The following GPC5 variants were observed in gnomAD, a reference collection of about 807,000 sequenced individuals.
The protein encoded by GPC5 is glypican 5.
In GPC5, 47 loss-of-function variants were observed where a neutral mutation model predicts 53.9. That is an observed-to-expected ratio of 0.87 (90% CI 0.69 to 1.11). The LOEUF is 1.11. Ranked by LOEUF, GPC5 falls within the 50% of genes most tolerant of loss-of-function variation. The pLI, the probability that GPC5 is intolerant of heterozygous loss-of-function variation, is 0.00. For synonymous variants in GPC5, 286 were observed against 263.3 expected (o/e 1.09, Z -0.84); for missense variants, 748 against 713.1 (o/e 1.05, Z -0.56).
chr13:92,319,384 T>C (rs1040519212), intron 7 of GPC5, among the ~76,000 whole-genome samples: 10 of 149,524 alleles, frequency 6.7e-5, no homozygotes, highest in Non-Finnish European at 8.9e-5. Flanking sequence ...TATTTTTTTT[T>C]CCCCATGATA....
At chr13:92,814,863 TCTAA>T (rs964073840) in intron 7 of GPC5, among the ~76,000 whole-genome samples, 79 of 152,104 alleles carry the variant, frequency 5.2e-4, no homozygotes, top group African/African-American at 1.8e-3. Flanking sequence ...AACGAATTTC[TCTAA>T]CTGTGCACTT....
intron 7 of GPC5, among the ~76,000 whole-genome samples, chr13:92,273,437 T>C (rs2042853703): frequency 6.6e-6 from 1 of 152,122 alleles, no homozygotes; most frequent in Non-Finnish European, 1.5e-5. Flanking sequence ...ATAATATCTT[T>C]TAAGTATGTT....
At chr13:92,749,354 C>T (rs1889321160) in intron 7 of GPC5, among the ~76,000 whole-genome samples, 2 of 151,796 alleles carry the variant, frequency 1.3e-5, no homozygotes, top group Admixed American at 6.6e-5. Flanking sequence ...TTTGGTAAAT[C>T]ATGTTGTATT....
intron 6 of GPC5, among the ~76,000 whole-genome samples, chr13:91,972,627 G>C (rs1404984996): frequency 1.3e-5 from 2 of 152,170 alleles, no homozygotes; most frequent in African/African-American, 4.8e-5. Context: ...TCCATGTTTA[G>C]TGCTTCCTTC....
At chr13:91,800,637 T>C (rs1167857592) in intron 5 of GPC5, among the ~76,000 whole-genome samples, 1 of 152,132 alleles carries the variant, frequency 6.6e-6, no homozygotes, top group Non-Finnish European at 1.5e-5. Context: ...ATCTCTTTTG[T>C]TAATAGAGGT....
At chr13:91,516,661 G>T (rs1885516402) in intron 2 of GPC5, among the ~76,000 whole-genome samples, 2 of 152,180 alleles carry the variant, frequency 1.3e-5, no homozygotes, top group Non-Finnish European at 2.9e-5. Flanking sequence ...CTACACTAGG[G>T]AGTGCCCCAA....
intron 7 of GPC5, among the ~76,000 whole-genome samples, chr13:92,763,053 G>A (rs952312548): frequency 6.6e-6 from 1 of 151,892 alleles, no homozygotes; most frequent in Non-Finnish European, 1.5e-5. Flanking sequence ...TCTCTTGTAT[G>A]TCAGTGAGTT....
chr13:92,345,794 C>T (rs1216064997), intron 7 of GPC5, among the ~76,000 whole-genome samples: 1 of 152,072 alleles, frequency 6.6e-6, no homozygotes, highest in Non-Finnish European at 1.5e-5. Flanking sequence ...AGTCTCAACT[C>T]ATGGGGAACA....
intron 7 of GPC5, among the ~76,000 whole-genome samples, chr13:92,166,097 T>A (rs1239480603): frequency 2.6e-5 from 4 of 152,206 alleles, no homozygotes; most frequent in Non-Finnish European, 5.9e-5. Context: ...CTTAAAGAAA[T>A]GTATTGTTGG....
intron 2 of GPC5, among the ~76,000 whole-genome samples, chr13:91,591,809 T>C (rs949821450): frequency 6.6e-6 from 1 of 152,242 alleles, no homozygotes; most frequent in Admixed American, 6.5e-5. Context: ...CTTCTTAAAA[T>C]GCCTATTTCG....
intron 7 of GPC5, among the ~76,000 whole-genome samples, chr13:92,511,502 T>C (rs1009161398): frequency 2.0e-5 from 3 of 152,214 alleles, no homozygotes; most frequent in Non-Finnish European, 4.4e-5. Flanking sequence ...TTTGCATTTA[T>C]TTCAGAGAAA....
intron 7 of GPC5, among the ~76,000 whole-genome samples, chr13:92,281,358 G>T (rs2042914414): frequency 6.6e-6 from 1 of 152,192 alleles, no homozygotes; most frequent in Non-Finnish European, 1.5e-5. Context: ...AGAAACCTCT[G>T]CAGAAGTAAA....
chr13:92,193,778 A>G (rs1364199343), intron 7 of GPC5, among the ~76,000 whole-genome samples: 1 of 152,200 alleles, frequency 6.6e-6, no homozygotes, highest in East Asian at 1.9e-4. Flanking sequence ...ATTAAATTAC[A>G]TGTACACTAC....
At chr13:92,656,482 T>A (rs886333650) in intron 7 of GPC5, among the ~76,000 whole-genome samples, 5 of 152,152 alleles carry the variant, frequency 3.3e-5, no homozygotes, top group African/African-American at 4.8e-5. Context: ...ACACCCAAGA[T>A]GAAGGGCAGG....
At chr13:92,675,052 G>A (rs1319686850) in intron 7 of GPC5, among the ~76,000 whole-genome samples, 2 of 152,020 alleles carry the variant, frequency 1.3e-5, no homozygotes, top group African/African-American at 2.4e-5. Flanking sequence ...TATAAAACCA[G>A]TAAATAAACC....
intron 6 of GPC5, among the ~76,000 whole-genome samples, chr13:91,931,722 A>G (rs1178339819): frequency 2.0e-5 from 3 of 152,036 alleles, no homozygotes; most frequent in African/African-American, 4.8e-5. Context: ...AAGCGGAAAA[A>G]GGGAGAACTT....
intron 2 of GPC5, among the ~76,000 whole-genome samples, chr13:91,573,842 A>T (rs1331071984): frequency 1.3e-5 from 2 of 152,258 alleles, no homozygotes; most frequent in East Asian, 1.9e-4. Context: ...CTTCAACAAA[A>T]ATGAAAATTT....
chr13:91,411,364 A>G (rs578148254), intron 1 of GPC5, among the ~76,000 whole-genome samples: 1 of 152,262 alleles, frequency 6.6e-6, no homozygotes, highest in South Asian at 2.1e-4. Flanking sequence ...TATTGGAGAT[A>G]AGAACTTATC....
chr13:92,057,580 AT>A (rs11448816), intron 6 of GPC5, among the ~76,000 whole-genome samples: 1 of 151,660 alleles, frequency 6.6e-6, no homozygotes, highest in African/African-American at 2.4e-5. Context: ...GTAGGTTTCA[AT>A]TTTTTTTAAT....
Sources: gnomAD v4.1 joint callset for allele counts (sites outside exome capture counted in the v4.1 genomes callset) on GRCh38, gnomAD v4.1.1 for gene constraint, MANE v1.5 for transcripts, NCBI Gene and HGNC (gene_info 2026-07-23, HGNC 2026-07-21) for gene names.